Variants in ADAMTSL1 observed in about 807,000 individuals in gnomAD.
The protein encoded by ADAMTSL1 is ADAMTS-like protein 1.
A neutral mutation model predicts 201.8 loss-of-function variants in ADAMTSL1; 126 were observed. The observed-to-expected ratio is 0.62, with a 90% CI of 0.54 to 0.72. The LOEUF (loss-of-function observed/expected upper bound fraction) is 0.72, where lower values mean the gene tolerates loss of function less well. Among genes scored for constraint, ADAMTSL1 ranks in the 30% least tolerant of loss-of-function variants. ADAMTSL1 has a pLI of 0.00. For synonymous variants in ADAMTSL1, 1,121 were observed against 903.4 expected (o/e 1.24, Z -4.32); for missense variants, 2,679 against 2,277.8 (o/e 1.18, Z -3.59).
intron 2 of ADAMTSL1, among the ~76,000 whole-genome samples, chr9:18,182,873 G>A (rs1450939668): frequency 2.0e-5 from 3 of 152,146 alleles, no homozygotes; most frequent in Non-Finnish European, 4.4e-5. Flanking sequence ...ACTATATGCT[G>A]CCTCTAAACA....
chr9:18,730,679 A>G (rs1280683382), intron 15 of ADAMTSL1, among the ~76,000 whole-genome samples: 3 of 152,248 alleles, frequency 2.0e-5, no homozygotes, highest in African/African-American at 7.2e-5. Flanking sequence ...TTGTCACTGC[A>G]TTAACACAGC....
intron 1 of ADAMTSL1, among the ~76,000 whole-genome samples, chr9:17,963,514 C>T (rs915936103): frequency 6.6e-6 from 1 of 152,108 alleles, no homozygotes; most frequent in Non-Finnish European, 1.5e-5. Flanking sequence ...AAACAGTATT[C>T]CGTATGAAAA....
At chr9:18,425,246 T>C (rs900639853) in intron 2 of ADAMTSL1, among the ~76,000 whole-genome samples, 2 of 151,786 alleles carry the variant, frequency 1.3e-5, no homozygotes, top group Non-Finnish European at 2.9e-5. Flanking sequence ...CCTCCCAATC[T>C]CGTGTTCTCA....
rs1290463357 is a variant in ADAMTSL1 at position 18,126,379 on chromosome 9, A to G, written c.88-37483A>G. 2.0e-5 allele frequency among the ~76,000 whole-genome samples: 3 copies of G among 152,236 alleles called. No individual in the cohort carries two copies. In the East Asian group the frequency reaches 5.8e-4, roughly 29 times the overall value. On this transcript the variant is annotated intron_variant, in intron 1 of 29. Transcript: ENST00000680146. The stretch of plus-strand genomic sequence containing the variant: ...ATTCCTTTTAAGATTTAGTTCCAGT[A>G]TTACCCTCCTCCCGGAAGTCCTCCT...
At chr9:18,449,173 C>A (rs1235789071) in intron 2 of ADAMTSL1, among the ~76,000 whole-genome samples, 2 of 151,698 alleles carry the variant, frequency 1.3e-5, no homozygotes, top group African/African-American at 4.8e-5. Flanking sequence ...TCTGAAATAG[C>A]ATAAATTCTT....
intron 2 of ADAMTSL1, among the ~76,000 whole-genome samples, chr9:18,282,449 A>G (rs993901084): frequency 1.3e-5 from 2 of 152,330 alleles, no homozygotes; most frequent in African/African-American, 4.8e-5. Context: ...GAATTGTAAC[A>G]ATATGTGGGA....
In ADAMTSL1 at chr9:18,892,497, G is replaced by C. The variant is rs755742005; in HGVS notation, c.4752G>C (p.Val1584=). Residue 1584 remains valine (V), a synonymous_variant, in exon 26 of 29, where the codon GTG becomes GTC. Transcript: ENST00000380548. ...AAGCCTCTGGGATCTCCACCCCTGT[G>C]TCCAATGACATGTGCACCCAGGTCG... ...KLKASGISTP[V]SNDMCTQVAK... is the part of the protein sequence containing the mutation. 9.9e-6 allele frequency: 16 copies of C among 1,608,296 alleles called. No individual in the cohort carries two copies. The highest frequency in any genetic ancestry group is 1.4e-5 in the Non-Finnish European group (16 of 1,177,544).
intron 2 of ADAMTSL1, among the ~76,000 whole-genome samples, chr9:18,338,922 G>A (rs1168997684): frequency 6.6e-6 from 1 of 152,124 alleles, no homozygotes; most frequent in Admixed American, 6.5e-5. Flanking sequence ...ATGGCCTCCA[G>A]ATCCAACCAT....
intron 2 of ADAMTSL1, among the ~76,000 whole-genome samples, chr9:18,423,390 G>T (rs1289961605): frequency 6.6e-6 from 1 of 152,144 alleles, no homozygotes; most frequent in African/African-American, 2.4e-5. Flanking sequence ...CTGAGTCTCT[G>T]GTCCAACTGA....
chr9:18,829,708 T>C, intron 22 of ADAMTSL1, 135 bp from the exon 23 acceptor site: 1 of 1,250,856 alleles, frequency 8.0e-7, no homozygotes, highest in Admixed American at 2.5e-5. Context: ...AAAAATAATG[T>C]TAAAAGGCAA....
At chr9:18,813,182 G>T (rs1338107019) in intron 20 of ADAMTSL1, among the ~76,000 whole-genome samples, 2 of 151,912 alleles carry the variant, frequency 1.3e-5, no homozygotes, top group East Asian at 1.9e-4. Flanking sequence ...GGCCACAATG[G>T]TCTCAGTCTC....
At chr9:18,143,615 G>A (rs1446328982) in intron 1 of ADAMTSL1, among the ~76,000 whole-genome samples, 1 of 152,088 alleles carries the variant, frequency 6.6e-6, no homozygotes, top group African/African-American at 2.4e-5. Flanking sequence ...TTATAGATGG[G>A]TCCCCATTCC....
intron 15 of ADAMTSL1, among the ~76,000 whole-genome samples, chr9:18,730,703 G>C (rs1818164323): frequency 2.0e-5 from 3 of 152,220 alleles, no homozygotes; most frequent in Admixed American, 6.5e-5. Flanking sequence ...CAGACCTGTA[G>C]ATGCTCATTA....
chr9:18,128,563 A>G (rs1178660340), intron 1 of ADAMTSL1, among the ~76,000 whole-genome samples: 3 of 152,082 alleles, frequency 2.0e-5, no homozygotes, highest in African/African-American at 4.8e-5. Flanking sequence ...TGCCCGCCTC[A>G]GCCTCCCAAA....
chr9:17,996,520 A>C (rs141793485), intron 1 of ADAMTSL1, among the ~76,000 whole-genome samples: 2,793 of 152,136 alleles, frequency 0.018, 87 homozygotes, highest in African/African-American at 0.063. Flanking sequence ...AGGCAGAATT[A>C]ATTCTTGGAG....
intron 7 of ADAMTSL1, among the ~76,000 whole-genome samples, chr9:18,653,505 G>C (rs537599686): frequency 6.6e-6 from 1 of 152,214 alleles, no homozygotes; most frequent in South Asian, 2.1e-4. Flanking sequence ...GTTGGGCACA[G>C]TGGCTTATGC....
chr9:18,464,917 T>G (rs1820945785), intron 2 of ADAMTSL1, among the ~76,000 whole-genome samples: 1 of 152,238 alleles, frequency 6.6e-6, no homozygotes, highest in South Asian at 2.1e-4. Context: ...CTGAGCTTCC[T>G]AGTAGCCAAA....
At chr9:18,044,990 A>C (rs1821599832) in intron 1 of ADAMTSL1, among the ~76,000 whole-genome samples, 2 of 152,098 alleles carry the variant, frequency 1.3e-5, no homozygotes, top group Admixed American at 6.5e-5. Flanking sequence ...TTAAATGTAA[A>C]CCAGTTGAGA....
At chr9:18,742,364 G>T (rs867300094) in intron 15 of ADAMTSL1, among the ~76,000 whole-genome samples, 13 of 152,128 alleles carry the variant, frequency 8.5e-5, no homozygotes, top group African/African-American at 2.9e-4. Flanking sequence ...TAATCCCAAG[G>T]CACTTGATCC....
Sources: allele counts gnomAD v4.1 joint callset (sites outside exome capture counted in the v4.1 genomes callset), GRCh38; gene constraint gnomAD v4.1.1; transcripts MANE v1.5; gene names NCBI Gene and HGNC (gene_info 2026-07-23, HGNC 2026-07-21).